The following CDC45 variants were observed in gnomAD, a reference collection of about 807,000 sequenced individuals.
CDC45 encodes the protein cell division cycle 45.
Under a neutral mutation model 77.8 loss-of-function variants are expected in CDC45, and 54 were observed. The ratio of observed to expected loss-of-function variants is 0.69; its 90% confidence interval spans 0.56 to 0.87. The LOEUF (loss-of-function observed/expected upper bound fraction) is 0.87, where lower values mean the gene tolerates loss of function less well. CDC45 is among the 40% of genes least tolerant of loss of function. The pLI is 0.00. For missense variants in CDC45, 649 were observed against 721.6 expected (o/e 0.90, Z 1.15); for synonymous variants, 260 against 272.1 (o/e 0.96, Z 0.44).
Position 19,514,747 on chromosome 22 carries a change from A to G in CDC45, c.1218-2A>G. On this transcript the variant is annotated splice_acceptor_variant, in intron 13 of 18. Coordinates refer to ENST00000263201, the MANE Select transcript of CDC45 (RefSeq NM_003504.5). LOFTEE classifies it high-confidence loss of function. ...CAAAGCCATGTGTCTGCCCTGTTAC[A>G]GGAGTAACCTGGACAAGCTGTACCA... is the stretch of plus-strand genomic sequence containing the variant. The G allele has an allele frequency of 6.2e-7, 1 of 1,602,418 alleles. No individual in the cohort carries two copies. Among genetic ancestry groups the G allele is most frequent in the Non-Finnish European group, 8.5e-7 (1 of 1,174,480 alleles).
Position 19,508,540 on chromosome 22 carries a change from A to G in CDC45, c.1066A>G (p.Met356Val). 1 of 1,614,206 alleles carries G rather than the reference A, an allele frequency of 6.2e-7. No individual in the cohort carries two copies. The highest frequency in any genetic ancestry group is 1.6e-4 in the Middle Eastern group (1 of 6,062). The change falls in exon 13 of 19, where the codon ATG becomes GTG. Residue 356 changes from methionine to valine, a missense_variant. Physicochemically the swap from Met to Val is conservative, Grantham distance 21. Transcript: ENST00000263201. ...ESANKFGMKD[M>V]RVQTFSIHFG... Reference sequence around the variant, plus strand: ...TTGCTCCCATGACAGGATGAAGGACATGCGCGTGCAGACTTTCAGCATTCA... The same window carrying G: ...TTGCTCCCATGACAGGATGAAGGACGTGCGCGTGCAGACTTTCAGCATTCA...
chr22:19,479,727 C>G (rs2089940895), upstream of CDC45: 60 of 666,852 alleles, frequency 9.0e-5, no homozygotes, highest in South Asian at 9.6e-4. Context: ...ACAGTGTTTG[C>G]GTTCGGCCTC....
intron 9 of CDC45, among the ~76,000 whole-genome samples, chr22:19,501,489 G>T (rs1345298345): frequency 6.6e-6 from 1 of 152,200 alleles, no homozygotes; most frequent in Admixed American, 6.5e-5. Flanking sequence ...CTCCTTGGAG[G>T]TCTTGTGGCC....
intron 17 of CDC45, 144 bp from the exon 18 acceptor site, chr22:19,518,700 A>T: frequency 1.4e-6 from 1 of 690,810 alleles, no homozygotes; most frequent in Non-Finnish European, 2.7e-6. Context: ...GACAGACACA[A>T]CCACTGAGTG....
upstream of CDC45, chr22:19,479,869 C>A: frequency 8.3e-7 from 1 of 1,210,406 alleles, no homozygotes; most frequent in Non-Finnish European, 1.2e-6. Context: ...GGTTGGTGAT[C>A]CCTGGACCAA....
chr22:19,516,022 GA>G (rs1454493034), intron 15 of CDC45, among the ~76,000 whole-genome samples: 2 of 152,122 alleles, frequency 1.3e-5, no homozygotes, highest in Admixed American at 6.5e-5. Context: ...AGCAGAGAAG[GA>G]AACCCTAAAC....
At chr22:19,508,722 G>T (rs761934900) in intron 13 of CDC45, 31 bp downstream of exon 13, 2 of 1,607,152 alleles carry the variant, frequency 1.2e-6, no homozygotes, top group Non-Finnish European at 1.7e-6. Flanking sequence ...TTGCCTCATG[G>T]GGCCACCACT....
Position 19,480,118 on chromosome 22 carries a change from T to A in CDC45, c.52-40T>A. Reference sequence around the variant, plus strand: ...CCGGGAGGCAGGGGAGGGCCGGGGTTCGGGTCGCCGTGTTCAGCCGGTCTG... The same window carrying A: ...CCGGGAGGCAGGGGAGGGCCGGGGTACGGGTCGCCGTGTTCAGCCGGTCTG... On this transcript the variant is annotated intron_variant, in intron 1 of 18. Coordinates refer to ENST00000263201, the MANE Select transcript of CDC45 (RefSeq NM_003504.5). The A allele has an allele frequency of 4.3e-6, 7 of 1,613,364 alleles. No individual in the cohort carries two copies. In the Middle Eastern group the frequency reaches 6.6e-4, roughly 152 times the overall value.
At chr22:19,517,009 A>C in intron 17 of CDC45, 116 bp downstream of exon 17, 1 of 846,216 alleles carries the variant, frequency 1.2e-6, no homozygotes. Flanking sequence ...AGCCCTCTTG[A>C]CCTTCCAGAT....
chr22:19,512,492 G>A (rs1455204393), intron 13 of CDC45, among the ~76,000 whole-genome samples: 1 of 152,022 alleles, frequency 6.6e-6, no homozygotes, highest in Non-Finnish European at 1.5e-5. Flanking sequence ...CTAGGTTTTT[G>A]GTTTTGCAAT....
upstream of CDC45, chr22:19,479,738 A>C (rs1235879281): frequency 1.5e-6 from 1 of 657,760 alleles, no homozygotes. Context: ...GTTCGGCCTC[A>C]GAGGTGACGC....
chr22:19,498,458 G>A (rs2146380920), intron 8 of CDC45, among the ~76,000 whole-genome samples: 1 of 152,374 alleles, frequency 6.6e-6, no homozygotes, highest in Non-Finnish European at 1.5e-5. Flanking sequence ...CGAGCACAGT[G>A]GGGCCCAGTC....
intron 6 of CDC45, chr22:19,494,669 T>A (rs2090211945): frequency 3.0e-6 from 3 of 1,008,792 alleles, no homozygotes; most frequent in Non-Finnish European, 4.5e-6. Flanking sequence ...CCAATGTAGA[T>A]ACTTTGATTT....
intron 15 of CDC45, chr22:19,516,309 G>A (rs567603730): frequency 5.3e-4 from 308 of 578,078 alleles, no homozygotes; most frequent in African/African-American, 2.1e-3. Context: ...CTGTGGGTAC[G>A]GGAGGGCAGG....
At chr22:19,484,675 C>T (rs1322160578) in intron 5 of CDC45, among the ~76,000 whole-genome samples, 1 of 152,192 alleles carries the variant, frequency 6.6e-6, no homozygotes, top group East Asian at 1.9e-4. Flanking sequence ...AGGGTCTTCC[C>T]TTCATCCTCA....
At chr22:19,492,011 G>A (rs1370927120) in intron 5 of CDC45, among the ~76,000 whole-genome samples, 1 of 151,990 alleles carries the variant, frequency 6.6e-6, no homozygotes, top group Non-Finnish European at 1.5e-5. Context: ...TTTCCATGTT[G>A]GCCAGGCTGG....
intron 6 of CDC45, 32 bp from the exon 7 acceptor site, chr22:19,495,949 C>G (rs200771303): frequency 6.4e-7 from 1 of 1,556,642 alleles, no homozygotes; most frequent in Non-Finnish European, 8.9e-7. Flanking sequence ...CTGCTACTTC[C>G]TGTTGAAGAC....
intron 13 of CDC45, among the ~76,000 whole-genome samples, chr22:19,514,200 C>T (rs1056120984): frequency 2.0e-5 from 3 of 152,214 alleles, no homozygotes; most frequent in African/African-American, 7.2e-5. Flanking sequence ...ATTGTGGACC[C>T]TTGGCTGGGC....
At chr22:19,501,072 C>T (rs1293602425) in intron 9 of CDC45, among the ~76,000 whole-genome samples, 1 of 152,000 alleles carries the variant, frequency 6.6e-6, no homozygotes, top group East Asian at 1.9e-4. Flanking sequence ...CCCAGCTACT[C>T]GGGAGGGTGA....
Sources: allele counts gnomAD v4.1 joint callset (sites outside exome capture counted in the v4.1 genomes callset), GRCh38; gene constraint gnomAD v4.1.1; transcripts MANE v1.5; gene names NCBI Gene and HGNC (gene_info 2026-07-23, HGNC 2026-07-21).